VPS13D: variants seen among roughly 807,000 people sequenced by gnomAD.
VPS13D encodes the protein vacuolar protein sorting 13 homolog D.
A neutral mutation model predicts 461.9 loss-of-function variants in VPS13D; 187 were observed. The ratio of observed to expected loss-of-function variants is 0.40; its 90% CI spans 0.36 to 0.46. The LOEUF is 0.46. Ranked by LOEUF, VPS13D falls within the 20% of genes least tolerant of loss-of-function variation. The probability of loss-of-function intolerance (pLI) is 0.60; values close to 1 mark genes in which losing one functional copy is unlikely to be tolerated. For synonymous variants in VPS13D, 1,951 were observed against 1,986.3 expected (o/e 0.98, Z 0.47); for missense variants, 4,711 against 5,364.9 (o/e 0.88, Z 3.81).
chr1:12,369,485 C>G lies in VPS13D; in HGVS notation c.10591C>G (p.Gln3531Glu). ...ACTCTAGGTCCCGGTTGTCTTTACT[C>G]AGCATGGCGTAGCTGAACCCAGGCT... ...NFSKVPVVFT[Q>E]HGVAEPRLRT... The change falls in exon 54 of 70, where the codon CAG becomes GAG. Residue 3531 changes from glutamine to glutamate, a missense_variant. Around this residue, in one of 3 missense-constraint regions of VPS13D, gnomAD observed 4,411 missense variants for 4,937.8 expected, o/e 0.89. Coordinates refer to ENST00000620676, the MANE Select transcript of VPS13D (RefSeq NM_015378.4). 1 of 1,614,132 alleles carries G rather than the reference C, an allele frequency of 6.2e-7. No individual in the cohort carries two copies. The highest frequency in any genetic ancestry group is 8.5e-7 in the Non-Finnish European group (1 of 1,180,030).
At chr1:12,290,037 ATT>A (rs1191247645) in intron 22 of VPS13D, among the ~76,000 whole-genome samples, 2 of 152,192 alleles carry the variant, frequency 1.3e-5, no homozygotes, top group Non-Finnish European at 2.9e-5. Context: ...ATGATAATAA[ATT>A]TTGTTTTACA....
intron 67 of VPS13D, among the ~76,000 whole-genome samples, chr1:12,470,423 A>T (rs544641658): frequency 2.0e-5 from 3 of 152,286 alleles, no homozygotes; most frequent in South Asian, 4.1e-4. Context: ...GTGCTTTTCT[A>T]TCCTTTAGTG....
At chr1:12,457,869 G>C (rs904530534) in intron 66 of VPS13D, among the ~76,000 whole-genome samples, 1 of 152,158 alleles carries the variant, frequency 6.6e-6, no homozygotes, top group African/African-American at 2.4e-5. Context: ...GTTGACTGTT[G>C]GGCAATCATT....
At chr1:12,315,008 C>T (rs745669336) in intron 30 of VPS13D, among the ~76,000 whole-genome samples, 1 of 152,202 alleles carries the variant, frequency 6.6e-6, no homozygotes, top group Admixed American at 6.5e-5. Flanking sequence ...TGGCATATTG[C>T]TTGGCACAGT....
intron 47 of VPS13D, among the ~76,000 whole-genome samples, chr1:12,355,112 A>G (rs1239752028): frequency 1.3e-5 from 2 of 152,216 alleles, no homozygotes; most frequent in African/African-American, 4.8e-5. Context: ...ATTTGAACAC[A>G]GTTGGAATAC....
intron 26 of VPS13D, among the ~76,000 whole-genome samples, chr1:12,305,459 T>C (rs1285359857): frequency 6.6e-6 from 1 of 151,864 alleles, no homozygotes; most frequent in East Asian, 1.9e-4. Context: ...GTGTGTGTGT[T>C]TGTGTGTTTT....
intron 20 of VPS13D, among the ~76,000 whole-genome samples, chr1:12,281,180 G>C (rs191026642): frequency 2.0e-5 from 3 of 152,000 alleles, no homozygotes; most frequent in African/African-American, 7.2e-5. Context: ...CATAACCACA[G>C]TGGTATTTCA....
At chr1:12,499,714 A>T (rs1264742577) in intron 68 of VPS13D, 16 of 985,330 alleles carry the variant, frequency 1.6e-5, no homozygotes, top group Non-Finnish European at 1.9e-5. Flanking sequence ...TTGCCAATGA[A>T]TGCTGAAGGA....
intron 18 of VPS13D, among the ~76,000 whole-genome samples, chr1:12,274,404 A>C (rs1021920568): frequency 6.6e-6 from 1 of 152,014 alleles, no homozygotes; most frequent in Admixed American, 6.6e-5. Flanking sequence ...TTGAACTCCT[A>C]ACCTCAAAGT....
At chr1:12,286,873 C>G (rs1437655130) in intron 21 of VPS13D, among the ~76,000 whole-genome samples, 1 of 151,986 alleles carries the variant, frequency 6.6e-6, no homozygotes, top group Non-Finnish European at 1.5e-5. Flanking sequence ...TTTATTTTAT[C>G]TTTTTGAGAC....
intron 34 of VPS13D, among the ~76,000 whole-genome samples, chr1:12,323,219 G>A (rs1488449127): frequency 6.6e-6 from 1 of 152,096 alleles, no homozygotes. Flanking sequence ...GACTATAGGT[G>A]TGTGCCATCA....
chr1:12,328,603 C>T (rs760638862), intron 36 of VPS13D, among the ~76,000 whole-genome samples: 9 of 152,056 alleles, frequency 5.9e-5, no homozygotes, highest in Non-Finnish European at 1.2e-4. Flanking sequence ...TGCAGTGGTG[C>T]AATCTCGGCT....
intron 26 of VPS13D, among the ~76,000 whole-genome samples, chr1:12,306,696 G>T (rs969767936): frequency 2.0e-5 from 3 of 152,070 alleles, no homozygotes; most frequent in Admixed American, 1.3e-4. Flanking sequence ...CAGTACCCTA[G>T]AGCAGCAGTC....
chr1:12,494,919 T>C (rs1227199394), intron 67 of VPS13D, among the ~76,000 whole-genome samples: 1 of 152,200 alleles, frequency 6.6e-6, no homozygotes, highest in African/African-American at 2.4e-5. Flanking sequence ...ATGGCCCTTA[T>C]ACCGTCTGCC....
intron 67 of VPS13D, among the ~76,000 whole-genome samples, chr1:12,476,857 C>T (rs1252214256): frequency 6.6e-6 from 1 of 152,228 alleles, no homozygotes; most frequent in East Asian, 1.9e-4. Context: ...AATTCACTTA[C>T]CAGCTCCAAA....
At chr1:12,351,779 A>G (rs1200331641) in intron 46 of VPS13D, among the ~76,000 whole-genome samples, 1 of 143,666 alleles carries the variant, frequency 7.0e-6, no homozygotes, top group Admixed American at 7.1e-5. Context: ...TTTAGTAGAG[A>G]TGGGGTTTCA....
chr1:12,493,756 C>G (rs1158321851), intron 67 of VPS13D, among the ~76,000 whole-genome samples: 1 of 152,206 alleles, frequency 6.6e-6, no homozygotes, highest in Non-Finnish European at 1.5e-5. Context: ...AAAACACTAG[C>G]TTACTGTTAG....
Position 12,362,760 on chromosome 1 carries a change from C to A in VPS13D, c.10182C>A (p.Thr3394=), listed in dbSNP as rs1643970007. The change falls in exon 51 of 70, where the codon ACC becomes ACA. Residue 3394 remains threonine, a synonymous_variant. Coordinates refer to ENST00000620676, the MANE Select transcript of VPS13D (RefSeq NM_015378.4). The part of the protein sequence containing the change: ...VKKGRGRYID[T]CMVIFAPRYL... ...AAGGCCGAGGTCGATACATTGATACCTGCATGGTCATCTTTGCCCCCCGTT... is the reference window on the plus strand; with the variant it reads ...AAGGCCGAGGTCGATACATTGATACATGCATGGTCATCTTTGCCCCCCGTT... The A allele has an allele frequency of 6.2e-7, 1 of 1,614,174 alleles. No individual in the cohort carries two copies. Among genetic ancestry groups the A allele is most frequent in the East Asian group, 2.2e-5 (1 of 44,892 alleles).
chr1:12,361,589 G>T (rs1001118645), intron 50 of VPS13D, among the ~76,000 whole-genome samples: 15 of 150,622 alleles, frequency 1.0e-4, no homozygotes, highest in Non-Finnish European at 2.2e-4. Context: ...TAGAGACGGG[G>T]TTTCACCGTT....
Sources: allele counts gnomAD v4.1 joint callset (sites outside exome capture counted in the v4.1 genomes callset), GRCh38; gene constraint gnomAD v4.1.1; regional missense constraint gnomAD v4.1.1; transcripts MANE v1.5; gene names NCBI Gene and HGNC (gene_info 2026-07-23, HGNC 2026-07-21).